Variants in C16orf96 observed in about 807,000 individuals in gnomAD.
C16orf96 encodes the protein chromosome 16 open reading frame 96.
In C16orf96, 108 loss-of-function variants were observed where a neutral mutation model predicts 103.6. The observed-to-expected ratio is 1.04, with a 90% CI of 0.89 to 1.22. C16orf96 has a LOEUF of 1.22. C16orf96 is among the 50% of genes most tolerant of loss of function. The pLI, the probability that C16orf96 is intolerant of heterozygous loss-of-function variation, is 0.00. For synonymous variants in C16orf96, 566 were observed against 593.5 expected (o/e 0.95, Z 0.67); for missense variants, 1,586 against 1,464.2 (o/e 1.08, Z -1.36).
At chr16:4,591,227 G>A (rs972763234) in intron 9 of C16orf96, among the ~76,000 whole-genome samples, 4 of 152,068 alleles carry the variant, frequency 2.6e-5, no homozygotes, top group African/African-American at 9.7e-5. Context: ...AAATAAATAC[G>A]ATTGATTATG....
At chr16:4,546,782 T>C in the C16orf96 span, among the ~76,000 whole-genome samples, 1 of 152,024 alleles carries the variant, frequency 6.6e-6, no homozygotes, top group Non-Finnish European at 1.5e-5. Context: ...TCTGGTTTTC[T>C]TTGACACAAC....
At chr16:4,552,219 C>T (rs775160587), upstream of C16orf96, among the ~76,000 whole-genome samples, 7 of 152,106 alleles carry the variant, frequency 4.6e-5, no homozygotes, top group East Asian at 1.9e-4. Context: ...CGGTGGCTCA[C>T]GCCTGTAATC....
At chr16:4,578,673 G>A (rs946614961) in intron 5 of C16orf96, among the ~76,000 whole-genome samples, 6 of 152,018 alleles carry the variant, frequency 3.9e-5, no homozygotes, top group Non-Finnish European at 8.8e-5. Context: ...CAGGAGAATT[G>A]CTTAAACCCA....
At chr16:4,599,182 G>T in intron 14 of C16orf96, 102 bp from the exon 15 acceptor site, 1 of 925,250 alleles carries the variant, frequency 1.1e-6, no homozygotes, top group Non-Finnish European at 1.7e-6. Context: ...CTGGGAAATG[G>T]GGTTGGTCCC....
the C16orf96 span, among the ~76,000 whole-genome samples, chr16:4,551,325 C>G: frequency 2.0e-5 from 3 of 152,082 alleles, no homozygotes; most frequent in Non-Finnish European, 2.9e-5. Flanking sequence ...CCCAAACTGG[C>G]CACACCAGCG....
intron 14 of C16orf96, among the ~76,000 whole-genome samples, chr16:4,596,521 G>A (rs953910965): frequency 2.0e-5 from 3 of 151,288 alleles, no homozygotes; most frequent in Non-Finnish European, 4.4e-5. Flanking sequence ...GTTCCAGCTG[G>A]GCAACAACAA....
At chr16:4,582,455 A>C (rs1287120772) in intron 7 of C16orf96, among the ~76,000 whole-genome samples, 1 of 152,158 alleles carries the variant, frequency 6.6e-6, no homozygotes, top group Non-Finnish European at 1.5e-5. Context: ...AGGCTGGCAC[A>C]CTGTAATCAG....
At position 4,576,769 on chromosome 16, in the gene C16orf96, G is replaced by A. The variant is rs904498351; in HGVS notation, c.2155+134G>A. 7 of 939,744 alleles carry A rather than the reference G, an allele frequency of 7.4e-6. No homozygotes were observed. The African/African-American group carries it at 1.2e-4, about 16-fold the overall frequency. The allele number at this position is 939,744 out of a possible 1,614,324, so 58.2% of individuals were successfully genotyped here. ...CCACCATTAGCCATTCTTTCCTTTG[G>A]CTTAAGCATTTGGCTCTTAACGAGT... On this transcript the variant is annotated intron_variant, in intron 5 of 15. Coordinates refer to ENST00000444310, the MANE Select transcript of C16orf96 (RefSeq NM_001145011.2).
chr16:4,590,308 C>G (rs149142160), intron 9 of C16orf96, among the ~76,000 whole-genome samples: 174 of 152,078 alleles, frequency 1.1e-3, no homozygotes, highest in Non-Finnish European at 1.9e-3. Context: ...CCTGTAATCC[C>G]AGCACTTTGA....
chr16:4,570,674 GC>G (rs1217400494), intron 1 of C16orf96, among the ~76,000 whole-genome samples: 4 of 151,980 alleles, frequency 2.6e-5, no homozygotes, highest in African/African-American at 9.7e-5. Context: ...CACCGTGTTG[GC>G]CAGACTGTTA....
intron 15 of C16orf96, among the ~76,000 whole-genome samples, chr16:4,599,657 C>T (rs772657056): frequency 6.6e-6 from 1 of 152,244 alleles, no homozygotes; most frequent in Non-Finnish European, 1.5e-5. Flanking sequence ...ACGTAGCAGG[C>T]ACCTGAGGGT....
In C16orf96 at chr16:4,588,176, A is replaced by C. The variant is rs1896972902; in HGVS notation, c.2437A>C (p.Arg813=). 1.9e-6 allele frequency: 3 copies of C among 1,551,236 alleles called. No homozygotes were observed. The highest frequency in any genetic ancestry group is 2.6e-6 in the Non-Finnish European group (3 of 1,146,856). ...CTCCCTGTCTCCCTAGAAAGCTGAC[A>C]GGAGTGCCCTGGCAGGCAAGGCAAG... ...MEEELREKAD[R]SALAGKASRV... is the part of the protein sequence containing the mutation. Residue 813 remains arginine, a synonymous_variant, in exon 9 of 16, where the codon AGG becomes CGG. Coordinates refer to ENST00000444310, the MANE Select transcript of C16orf96 (RefSeq NM_001145011.2).
At position 4,575,726 on chromosome 16, in the gene C16orf96, A is replaced by C. The variant is rs1350319892; in HGVS notation, c.1246A>C (p.Thr416Pro). Residue 416 changes from threonine to proline, a missense_variant, in exon 5 of 16, where the codon ACT becomes CCT. Coordinates refer to ENST00000444310, the MANE Select transcript of C16orf96 (RefSeq NM_001145011.2). ...GTGGGACTTAGGTGTCCTGCGGCCA[A>C]CTCAGCCCCAACCCTCCAGGGCCCC... ...PLWDLGVLRP[T>P]QPQPSRAPPP... 1.3e-6 allele frequency: 2 copies of C among 1,536,046 alleles called. No individual in the cohort carries two copies. The highest frequency in any genetic ancestry group is 2.8e-5 in the African/African-American group (2 of 72,524).
chr16:4,584,849 T>G (rs2141743208), intron 7 of C16orf96, among the ~76,000 whole-genome samples: 1 of 152,232 alleles, frequency 6.6e-6, no homozygotes, highest in East Asian at 1.9e-4. Context: ...TTTTGTATTT[T>G]TAGTAGAGAT....
At chr16:4,563,822 G>A (rs1159523902) in intron 1 of C16orf96, among the ~76,000 whole-genome samples, 1 of 148,578 alleles carries the variant, frequency 6.7e-6, no homozygotes, top group African/African-American at 2.5e-5. Flanking sequence ...ACCCGCCTGG[G>A]CCTCCCAATG....
upstream of C16orf96, among the ~76,000 whole-genome samples, chr16:4,555,573 G>A (rs544375555): frequency 1.1e-4 from 17 of 151,984 alleles, no homozygotes; most frequent in African/African-American, 2.4e-4. Context: ...GAGTTTCACC[G>A]TCTTGGCCAG....
intron 14 of C16orf96, among the ~76,000 whole-genome samples, chr16:4,598,774 T>C (rs1349138050): frequency 6.6e-6 from 1 of 152,170 alleles, no homozygotes; most frequent in African/African-American, 2.4e-5. Flanking sequence ...CTAGAGTTAC[T>C]TTCAAAGAGC....
At chr16:4,577,746 A>G (rs1488752318) in intron 5 of C16orf96, among the ~76,000 whole-genome samples, 1 of 152,218 alleles carries the variant, frequency 6.6e-6, no homozygotes, top group Admixed American at 6.5e-5. Context: ...ACTTGAAGTC[A>G]GGAGTTCGAG....
At chr16:4,562,176 T>A (rs2059339501) in intron 1 of C16orf96, among the ~76,000 whole-genome samples, 1 of 152,158 alleles carries the variant, frequency 6.6e-6, no homozygotes, top group African/African-American at 2.4e-5. Flanking sequence ...TTTCTACAGA[T>A]GTTCAAGAGA....
Sources: allele counts gnomAD v4.1 joint callset (sites outside exome capture counted in the v4.1 genomes callset), GRCh38; gene constraint gnomAD v4.1.1; transcripts MANE v1.5; gene names NCBI Gene and HGNC (gene_info 2026-07-23, HGNC 2026-07-21).